KCNIP4: variants seen among roughly 807,000 people sequenced by gnomAD.
KCNIP4 encodes the protein Kv channel-interacting protein 4.
In KCNIP4, 12 loss-of-function variants were observed where a neutral mutation model predicts 34.0. That is an observed-to-expected ratio of 0.35 (90% CI 0.23 to 0.57). The LOEUF (loss-of-function observed/expected upper bound fraction) is 0.57, where lower values mean the gene tolerates loss of function less well. Ranked by LOEUF, KCNIP4 falls within the 20% of genes least tolerant of loss-of-function variation. The pLI is 0.83. For missense variants in KCNIP4, 238 were observed against 311.7 expected (o/e 0.76, Z 1.78); for synonymous variants, 124 against 102.2 (o/e 1.21, Z -1.29).
chr4:20,953,953 A>G (rs1025555039), intron 1 of KCNIP4, among the ~76,000 whole-genome samples: 4 of 152,162 alleles, frequency 2.6e-5, no homozygotes, highest in Non-Finnish European at 4.4e-5. Flanking sequence ...GTCACGGGAA[A>G]CACTTCCCTG....
intron 3 of KCNIP4, among the ~76,000 whole-genome samples, chr4:20,832,493 A>G: frequency 6.6e-6 from 1 of 152,288 alleles, no homozygotes; most frequent in East Asian, 1.9e-4. Flanking sequence ...TGGTAAATTT[A>G]ATTTTATCCT....
chr4:20,770,609 G>A (rs1158881870), intron 3 of KCNIP4, among the ~76,000 whole-genome samples: 1 of 152,056 alleles, frequency 6.6e-6, no homozygotes, highest in East Asian at 1.9e-4. Flanking sequence ...ACTGTGGCTT[G>A]AGAATACTTG....
At chr4:21,754,722 T>G (rs558377644) in intron 1 of KCNIP4, among the ~76,000 whole-genome samples, 4 of 152,266 alleles carry the variant, frequency 2.6e-5, no homozygotes, top group Non-Finnish European at 4.4e-5. Context: ...TAGGATGGGA[T>G]GAAGACACTG....
intron 1 of KCNIP4, among the ~76,000 whole-genome samples, chr4:21,578,063 C>T (rs905877179): frequency 5.3e-5 from 8 of 151,738 alleles, no homozygotes; most frequent in African/African-American, 1.5e-4. Flanking sequence ...AGGCCGGGCG[C>T]GGTGGCTCAC....
At chr4:20,739,261 T>G (rs925755445) in intron 5 of KCNIP4, among the ~76,000 whole-genome samples, 3 of 152,212 alleles carry the variant, frequency 2.0e-5, no homozygotes, top group Non-Finnish European at 4.4e-5. Flanking sequence ...GTTTGAGATC[T>G]GAGAACAGAC....
intron 1 of KCNIP4, among the ~76,000 whole-genome samples, chr4:20,891,986 C>T (rs1337974189): frequency 6.6e-6 from 1 of 152,152 alleles, no homozygotes; most frequent in Non-Finnish European, 1.5e-5. Flanking sequence ...ACTTGGGGTT[C>T]ATATGCTGGT....
At chr4:21,706,627 A>G (rs1037598391) in intron 1 of KCNIP4, among the ~76,000 whole-genome samples, 1 of 152,138 alleles carries the variant, frequency 6.6e-6, no homozygotes, top group Non-Finnish European at 1.5e-5. Flanking sequence ...AATGTGACTG[A>G]TTGATTAAGG....
At chr4:21,191,788 A>T (rs913953177) in intron 1 of KCNIP4, among the ~76,000 whole-genome samples, 3 of 152,336 alleles carry the variant, frequency 2.0e-5, no homozygotes, top group Non-Finnish European at 4.4e-5. Flanking sequence ...TGTCAGTTTC[A>T]TCATTCCCTC....
intron 3 of KCNIP4, chr4:20,850,238 A>G: frequency 5.3e-6 from 1 of 190,258 alleles, no homozygotes; most frequent in East Asian, 1.3e-4. Context: ...TAAGGAAACA[A>G]TGGAAGTTTA....
chr4:21,459,600 T>C (rs1729270402), intron 1 of KCNIP4, among the ~76,000 whole-genome samples: 1 of 152,046 alleles, frequency 6.6e-6, no homozygotes. Flanking sequence ...ATTGCCTGCT[T>C]GGCAACTCTG....
intron 1 of KCNIP4, among the ~76,000 whole-genome samples, chr4:21,191,664 C>T (rs569156691): frequency 1.1e-4 from 17 of 152,310 alleles, no homozygotes; most frequent in Non-Finnish European, 2.2e-4. Flanking sequence ...GATGAACAAT[C>T]TCTTACAGAT....
At chr4:21,494,787 A>G (rs113963354) in intron 1 of KCNIP4, among the ~76,000 whole-genome samples, 46 of 150,734 alleles carry the variant, frequency 3.1e-4, no homozygotes, top group South Asian at 8.4e-4. Context: ...AAAAAAAAAA[A>G]AAAATTAGTA....
chr4:21,352,967 C>G (rs948047020), intron 1 of KCNIP4, among the ~76,000 whole-genome samples: 1 of 152,180 alleles, frequency 6.6e-6, no homozygotes, highest in African/African-American at 2.4e-5. Flanking sequence ...GCAATATTAG[C>G]TGTTCTGTAG....
intron 3 of KCNIP4, among the ~76,000 whole-genome samples, chr4:20,770,101 G>C (rs1382064533): frequency 2.0e-5 from 3 of 152,040 alleles, no homozygotes; most frequent in Non-Finnish European, 4.4e-5. Context: ...ACCTCCCACA[G>C]CCTGCTTCTT....
intron 1 of KCNIP4, among the ~76,000 whole-genome samples, chr4:20,909,099 C>T (rs1319277393): frequency 6.6e-6 from 1 of 152,160 alleles, no homozygotes; most frequent in Non-Finnish European, 1.5e-5. Context: ...TAAATATCGA[C>T]CTCTGAATAT....
At chr4:21,819,721 G>T (rs911483645) in intron 1 of KCNIP4, among the ~76,000 whole-genome samples, 2 of 152,066 alleles carry the variant, frequency 1.3e-5, no homozygotes, top group African/African-American at 4.8e-5. Flanking sequence ...GTGTGCTGTG[G>T]GGTAAGGGAG....
intron 3 of KCNIP4, among the ~76,000 whole-genome samples, chr4:20,824,262 G>A (rs1023936635): frequency 2.0e-5 from 3 of 152,082 alleles, no homozygotes; most frequent in African/African-American, 7.2e-5. Context: ...ATCACAATGG[G>A]CAAAATTATT....
intron 1 of KCNIP4, among the ~76,000 whole-genome samples, chr4:21,325,403 G>A (rs1044113490): frequency 6.6e-6 from 1 of 151,626 alleles, no homozygotes; most frequent in East Asian, 1.9e-4. Flanking sequence ...GCTCATAGTA[G>A]CCTCTAGTCA....
rs142450890 is a variant in KCNIP4 at position 20,830,692 on chromosome 4, G to A, written c.288+19851C>T. Among the ~76,000 whole-genome samples, 432 of 152,208 alleles carry A rather than the reference G, an allele frequency of 2.8e-3. 9 individuals are homozygous for A. The highest frequency in any genetic ancestry group is 2.6e-3 in the Non-Finnish European group (180 of 68,000). ...CAATAATACAGAAAAAATGTATAGA[G>A]AAATAGATAAATCAAATTACAGGGC... On this transcript the variant is annotated intron_variant, in intron 3 of 8. Coordinates refer to ENST00000382152, the MANE Select transcript of KCNIP4 (RefSeq NM_025221.6).
Sources: gnomAD v4.1 joint callset for allele counts (sites outside exome capture counted in the v4.1 genomes callset) on GRCh38, gnomAD v4.1.1 for gene constraint, MANE v1.5 for transcripts, NCBI Gene and HGNC (gene_info 2026-07-23, HGNC 2026-07-21) for gene names.